Variants in DPP10 observed in about 807,000 individuals in gnomAD.
The protein encoded by DPP10 is inactive dipeptidyl peptidase 10.
In DPP10, 33 loss-of-function variants were observed where a neutral mutation model predicts 120.9. The ratio of observed to expected loss-of-function variants is 0.27; its 90% CI spans 0.21 to 0.37. The LOEUF is 0.37. Among genes scored for constraint, DPP10 ranks in the 10% least tolerant of loss-of-function variants. DPP10 has a pLI of 1.00. For synonymous variants in DPP10, 337 were observed against 326.1 expected, an observed-to-expected ratio of 1.03 and a Z score of -0.36; for missense variants, 816 against 942.8, an observed-to-expected ratio of 0.87 and a Z score of 1.76.
chr2:114,958,723 G>A (rs1032074161), intron 1 of DPP10, among the ~76,000 whole-genome samples: 6 of 151,882 alleles, frequency 4.0e-5, no homozygotes, highest in Non-Finnish European at 4.4e-5. Context: ...CATTACTTTT[G>A]ACTTTAAATA....
chr2:114,692,422 A>T (rs892745815), intron 1 of DPP10, among the ~76,000 whole-genome samples: 7 of 151,822 alleles, frequency 4.6e-5, no homozygotes, highest in African/African-American at 1.7e-4. Flanking sequence ...TTGAGTTCTA[A>T]TTTGGTTGTG....
At chr2:114,801,805 T>A (rs768032327) in intron 1 of DPP10, among the ~76,000 whole-genome samples, 8 of 152,186 alleles carry the variant, frequency 5.3e-5, no homozygotes, top group Non-Finnish European at 7.3e-5. Flanking sequence ...AGATATTAGG[T>A]CTATTCTTTT....
chr2:114,661,955 G>T (rs534339987), intron 1 of DPP10, among the ~76,000 whole-genome samples: 2 of 151,810 alleles, frequency 1.3e-5, no homozygotes, highest in African/African-American at 4.8e-5. Flanking sequence ...TGGGCTCTCC[G>T]GGATCGCGCC....
intron 1 of DPP10, among the ~76,000 whole-genome samples, chr2:114,670,786 C>T (rs1698279177): frequency 6.6e-6 from 1 of 151,198 alleles, no homozygotes; most frequent in African/African-American, 2.5e-5. Context: ...ATTATGTTTA[C>T]TCTATTACCT....
At chr2:115,796,123 C>T (rs1267379065) in intron 19 of DPP10, among the ~76,000 whole-genome samples, 1 of 152,066 alleles carries the variant, frequency 6.6e-6, no homozygotes, top group African/African-American at 2.4e-5. Flanking sequence ...CAGCCACCCC[C>T]AAAGAGAAAT....
intron 1 of DPP10, among the ~76,000 whole-genome samples, chr2:114,643,076 C>G (rs1266853131): frequency 2.0e-5 from 3 of 151,906 alleles, no homozygotes; most frequent in Non-Finnish European, 4.4e-5. Flanking sequence ...TTTTTTCAGA[C>G]TAGTCACCCT....
intron 12 of DPP10, 90 bp downstream of exon 12, chr2:115,762,700 G>A: frequency 4.8e-6 from 7 of 1,462,872 alleles, no homozygotes; most frequent in Non-Finnish European, 6.6e-6. Flanking sequence ...AAAAGTATGA[G>A]TTTAAGGCTT....
At chr2:114,803,183 C>G (rs543812683) in intron 1 of DPP10, among the ~76,000 whole-genome samples, 3 of 152,308 alleles carry the variant, frequency 2.0e-5, no homozygotes, top group African/African-American at 7.2e-5. Flanking sequence ...CTTATTTTCT[C>G]TTGTCACCAC....
intron 1 of DPP10, among the ~76,000 whole-genome samples, chr2:114,596,401 A>G (rs1691910548): frequency 6.6e-6 from 1 of 152,070 alleles, no homozygotes; most frequent in Non-Finnish European, 1.5e-5. Flanking sequence ...TCGAAAAGCA[A>G]AAAGCCAGGT....
chr2:115,258,211 G>A (rs1392937128), intron 1 of DPP10, among the ~76,000 whole-genome samples: 1 of 152,158 alleles, frequency 6.6e-6, no homozygotes, highest in African/African-American at 2.4e-5. Flanking sequence ...AGTATGCTAT[G>A]CAAAAGGATT....
chr2:115,054,689 G>A (rs1430865113), intron 1 of DPP10, among the ~76,000 whole-genome samples: 1 of 152,128 alleles, frequency 6.6e-6, no homozygotes, highest in African/African-American at 2.4e-5. Flanking sequence ...GAGGCAGGTG[G>A]ATCATGAGGT....
At chr2:114,789,699 C>G (rs975438188) in intron 1 of DPP10, among the ~76,000 whole-genome samples, 12 of 152,068 alleles carry the variant, frequency 7.9e-5, no homozygotes, top group Non-Finnish European at 4.4e-5. Flanking sequence ...CAAGTTTCAG[C>G]CTTCTGATAA....
chr2:114,495,646 A>G (rs1009271611), intron 1 of DPP10, among the ~76,000 whole-genome samples: 47 of 152,334 alleles, frequency 3.1e-4, no homozygotes, highest in African/African-American at 1.1e-3. Context: ...AGTATGCCAA[A>G]AGAATCTACT....
At chr2:115,803,244 G>A (rs1031299978) in intron 19 of DPP10, among the ~76,000 whole-genome samples, 1 of 152,104 alleles carries the variant, frequency 6.6e-6, no homozygotes. Context: ...TCTGAGACTA[G>A]GATTGCAACC....
At chr2:115,063,893 ATAAGGTTT>A (rs2105408600) in intron 1 of DPP10, among the ~76,000 whole-genome samples, 1 of 152,334 alleles carries the variant, frequency 6.6e-6, no homozygotes, top group South Asian at 2.1e-4. Flanking sequence ...TTTTATGTAT[ATAAGGTTT>A]TATGATTTTA....
rs532221460 is a variant in DPP10 at position 114,887,911 on chromosome 2, G to A, written c.61-421328G>A. On this transcript the variant is annotated intron_variant, in intron 1 of 25. Coordinates refer to ENST00000410059, the MANE Select transcript of DPP10 (RefSeq NM_020868.6). ...TTCCCGCACTTTGGGAGGCTGAGGCGGGTGGATCACGAGGTCAGGAGATCG... is the reference window on the plus strand; with the variant it reads ...TTCCCGCACTTTGGGAGGCTGAGGCAGGTGGATCACGAGGTCAGGAGATCG... Among the ~76,000 whole-genome samples the A allele has an allele frequency of 8.5e-5, 13 of 152,060 alleles. 1 individual carries two copies. In the South Asian group the frequency reaches 1.7e-3, roughly 19 times the overall value.
chr2:114,523,136 C>T (rs569325253), intron 1 of DPP10, among the ~76,000 whole-genome samples: 23 of 152,198 alleles, frequency 1.5e-4, no homozygotes, highest in African/African-American at 4.6e-4. Context: ...GATGGGGAGA[C>T]GTTAAATGAA....
intron 1 of DPP10, among the ~76,000 whole-genome samples, chr2:114,464,935 T>C (rs1679229617): frequency 6.6e-6 from 1 of 152,208 alleles, no homozygotes; most frequent in African/African-American, 2.4e-5. Context: ...ATATATGGCA[T>C]GATACCACTC....
intron 1 of DPP10, among the ~76,000 whole-genome samples, chr2:114,932,223 T>TA (rs1696128380): frequency 6.6e-6 from 1 of 152,244 alleles, no homozygotes; most frequent in Non-Finnish European, 1.5e-5. Flanking sequence ...TCTGATAGAC[T>TA]AAAGTTTGAA....
Sources: gnomAD v4.1 joint callset for allele counts (sites outside exome capture counted in the v4.1 genomes callset) on GRCh38, gnomAD v4.1.1 for gene constraint, MANE v1.5 for transcripts, NCBI Gene and HGNC (gene_info 2026-07-23, HGNC 2026-07-21) for gene names.